Variants in ABHD6 observed in about 807,000 individuals in gnomAD.
ABHD6 encodes abhydrolase domain containing 6, acylglycerol lipase, also known as monoacylglycerol lipase ABHD6.
A neutral mutation model predicts 38.8 loss-of-function variants in ABHD6; 33 were observed. The observed-to-expected ratio is 0.85, with a 90% confidence interval of 0.64 to 1.14. The LOEUF (loss-of-function observed/expected upper bound fraction) is 1.14, where lower values mean the gene tolerates loss of function less well. Among genes scored for constraint, ABHD6 ranks in the 50% most tolerant of loss-of-function variants. The pLI, the probability that ABHD6 is intolerant of heterozygous loss-of-function variation, is 0.00. For missense variants in ABHD6, 380 were observed against 422.6 expected (o/e 0.90, Z 0.88); for synonymous variants, 147 against 161.6 (o/e 0.91, Z 0.69).
chr3:58,247,408 T>C (rs190693980), intron 1 of ABHD6, among the ~76,000 whole-genome samples: 2 of 152,312 alleles, frequency 1.3e-5, no homozygotes, highest in Non-Finnish European at 1.5e-5. Flanking sequence ...CTAGTGGCTG[T>C]TGAGCATTTG....
At chr3:58,290,520 G>C in intron 9 of ABHD6, among the ~76,000 whole-genome samples, 1 of 129,522 alleles carries the variant, frequency 7.7e-6, no homozygotes, top group African/African-American at 3.0e-5. Context: ...GGCAGGGGCT[G>C]ACCCCCCACC....
chr3:58,276,269 C>A (rs913958044), intron 7 of ABHD6, among the ~76,000 whole-genome samples: 1 of 152,206 alleles, frequency 6.6e-6, no homozygotes, highest in Non-Finnish European at 1.5e-5. Context: ...ACATCCTCTC[C>A]AGCATCTGTT....
At position 58,238,224 on chromosome 3, in the gene ABHD6, C is replaced by G. The variant is rs867823111; in HGVS notation, c.-91+308C>G. On this transcript the variant is annotated intron_variant, in intron 1 of 9. Coordinates refer to ENST00000478253, the MANE Select transcript of ABHD6 (RefSeq NM_001320126.2). The surrounding 1 kb of genome is among the most constrained non-coding windows in gnomAD (Gnocchi z 6.9). ...CTCTTTCTACTTCGCCTCCCCACCC[C>G]CTGCGCCCGCAGCAGCCCTTAGGCG... The G allele has an allele frequency of 1.3e-5, 2 of 152,630 alleles. No homozygotes were observed. Among genetic ancestry groups the G allele is most frequent in the Admixed American group, 6.5e-5 (1 of 15,288 alleles). 9.5% of individuals were successfully genotyped at this position (152,630 alleles called of 1,614,324 possible).
intron 3 of ABHD6, among the ~76,000 whole-genome samples, chr3:58,260,951 A>G (rs895529158): frequency 6.6e-6 from 1 of 152,166 alleles, no homozygotes; most frequent in East Asian, 1.9e-4. Context: ...CATGGCCAGC[A>G]CACTTCCACA....
At chr3:58,242,981 C>T (rs1328774509) in intron 1 of ABHD6, among the ~76,000 whole-genome samples, 1 of 152,038 alleles carries the variant, frequency 6.6e-6, no homozygotes, top group Non-Finnish European at 1.5e-5. Context: ...GTTTGGTTTT[C>T]TGTCCTTGGA....
At chr3:58,286,817 C>G (rs1377902325) in intron 9 of ABHD6, among the ~76,000 whole-genome samples, 2 of 72,972 alleles carry the variant, frequency 2.7e-5, no homozygotes, top group Non-Finnish European at 5.2e-5. Context: ...TATATAAGAT[C>G]ATATATGTGT....
Position 58,285,021 on chromosome 3 carries a change from G to A in ABHD6, c.682-64G>A. The A allele has an allele frequency of 6.8e-7, 1 of 1,468,968 alleles. No homozygotes were observed. Among genetic ancestry groups the A allele is most frequent in the Non-Finnish European group, 9.5e-7 (1 of 1,047,848 alleles). 91.0% of individuals were successfully genotyped at this position (1,468,968 alleles called of 1,614,324 possible). ...CCTCATTCCCATTCATTGTCCCAGA[G>A]CTGTGAGAGGCCTGAGGAAATGAAT... On this transcript the variant is annotated intron_variant, in intron 7 of 9. Coordinates refer to ENST00000478253, the MANE Select transcript of ABHD6 (RefSeq NM_001320126.2). The surrounding 1 kb of genome is among the most constrained non-coding windows in gnomAD (Gnocchi z 4.9).
rs886995728 is a variant in ABHD6 at position 58,269,965 on chromosome 3, G to A, written c.390+531G>A. ...TGACCTTAAATATTTTCCCCCAAAT[G>A]AGGATATTTAATATCTGCCTCCTCC... is the stretch of plus-strand genomic sequence containing the variant. On this transcript the variant is annotated intron_variant, in intron 5 of 9. Coordinates refer to ENST00000478253, the MANE Select transcript of ABHD6 (RefSeq NM_001320126.2). The surrounding 1 kb of genome is among the most constrained non-coding windows in gnomAD (Gnocchi z 4.4). Among the ~76,000 whole-genome samples the A allele has an allele frequency of 6.6e-6, 1 of 152,224 alleles. No homozygotes were observed. The highest frequency in any genetic ancestry group is 2.4e-5 in the African/African-American group (1 of 41,458).
rs950707788 is a variant in ABHD6 at position 58,259,852 on chromosome 3, C to T, written c.119+3147C>T. On this transcript the variant is annotated intron_variant, in intron 3 of 9. Transcript: ENST00000478253. The surrounding 1 kb of genome is among the most constrained non-coding windows in gnomAD (Gnocchi z 4.7). ...AGTAGCCATCAATCCCAGTTTCTCC[C>T]TCACTTCATCTTCTGGCAACCACTC... 6.6e-6 allele frequency among the ~76,000 whole-genome samples: 1 copy of T among 152,188 alleles called. No individual in the cohort carries two copies. The highest frequency in any genetic ancestry group is 1.5e-5 in the Non-Finnish European group (1 of 68,038).
chr3:58,254,393 C>T (rs1293545772), intron 2 of ABHD6, among the ~76,000 whole-genome samples: 2 of 152,224 alleles, frequency 1.3e-5, no homozygotes, highest in African/African-American at 4.8e-5. Flanking sequence ...GCTGCTTTCT[C>T]ATCCAGTGGC....
Position 58,285,534 on chromosome 3 carries a change from T to C in ABHD6, c.837+81T>C. 8.0e-7 allele frequency: 1 copy of C among 1,248,680 alleles called. No individual in the cohort carries two copies. The highest frequency in any genetic ancestry group is 1.2e-6 in the Non-Finnish European group (1 of 851,446). The allele number at this position is 1,248,680 out of a possible 1,614,324, so 77.4% of individuals were successfully genotyped here. A position where few individuals can be genotyped will look rare whatever the true frequency, so the allele number is the denominator to read the frequency against. Reference sequence around the variant, plus strand: ...AACGTCCTTGAGGAAGAACAAGTGGTTATTTATGGAGTGAGCTGATCGCTG... The same window carrying C: ...AACGTCCTTGAGGAAGAACAAGTGGCTATTTATGGAGTGAGCTGATCGCTG... On this transcript the variant is annotated intron_variant, in intron 9 of 9. Transcript: ENST00000478253. The surrounding 1 kb of genome is among the most constrained non-coding windows in gnomAD (Gnocchi z 4.9).
intron 1 of ABHD6, among the ~76,000 whole-genome samples, chr3:58,242,505 C>A (rs1348025795): frequency 6.6e-6 from 1 of 152,212 alleles, no homozygotes; most frequent in East Asian, 1.9e-4. Flanking sequence ...CATGACTTCT[C>A]CCCCTAAGGC....
chr3:58,268,463 G>A (rs1285234047), intron 4 of ABHD6, among the ~76,000 whole-genome samples: 1 of 152,134 alleles, frequency 6.6e-6, no homozygotes, highest in African/African-American at 2.4e-5. Flanking sequence ...CTTGGGTGTG[G>A]CAACTTGCTG....
chr3:58,274,938 A>T, intron 7 of ABHD6, 123 bp downstream of exon 7: 1 of 1,223,670 alleles, frequency 8.2e-7, no homozygotes, highest in South Asian at 1.4e-5. Context: ...TTCTGCATAT[A>T]TTCAGCAAGT....
chr3:58,252,229 G>T (rs1207440286), intron 2 of ABHD6, among the ~76,000 whole-genome samples: 143 of 80,910 alleles, frequency 1.8e-3, no homozygotes, highest in South Asian at 3.8e-3. Flanking sequence ...TTGACTGCTT[G>T]TTTTTTTTTT....
chr3:58,286,822 A>ATGTG lies in ABHD6; in HGVS notation c.837+1397_837+1400dup, dbSNP rs56020810. 1.7e-3 allele frequency among the ~76,000 whole-genome samples: 125 copies of ATGTG among 74,770 alleles called. 4 individuals are homozygous for ATGTG. Among genetic ancestry groups the ATGTG allele is most frequent in the African/African-American group, 6.7e-3 (108 of 16,062 alleles). 49.1% of individuals were successfully genotyped at this position (74,770 alleles called of 152,430 possible). A position where few individuals can be genotyped will look rare whatever the true frequency, so the allele number is the denominator to read the frequency against. On this transcript the variant is annotated intron_variant, in intron 9 of 9. Coordinates refer to ENST00000478253, the MANE Select transcript of ABHD6 (RefSeq NM_001320126.2). ...GCATATAAGATATATAAGATCATATATGTGTGTGTGTGTGTGTGTGTGTGT... is the reference window on the plus strand; with the variant it reads ...GCATATAAGATATATAAGATCATATATGTGTGTGTGTGTGTGTGTGTGTGTGTGT...
chr3:58,284,780 G>T (rs571500627), intron 7 of ABHD6, among the ~76,000 whole-genome samples: 27 of 152,220 alleles, frequency 1.8e-4, no homozygotes, highest in African/African-American at 6.3e-4. Flanking sequence ...GTGAAGCAGA[G>T]AATCTCTCAA....
At position 58,271,062 on chromosome 3, in the gene ABHD6, C is replaced by G; in HGVS notation, c.521C>G (p.Ala174Gly). 1.3e-6 allele frequency: 2 copies of G among 1,596,716 alleles called. No homozygotes were observed. The highest frequency in any genetic ancestry group is 8.5e-7 in the Non-Finnish European group (1 of 1,174,268). Residue 174 changes from alanine (A) to glycine (G), a missense_variant and splice_region_variant, in exon 6 of 10, where the codon GCT (alanine) becomes GGT (glycine). Coordinates refer to ENST00000478253, the MANE Select transcript of ABHD6 (RefSeq NM_001320126.2). Reference sequence around the variant, plus strand: ...TCCAGCCTGTGTCTCGTGTGTCCTGCTGGTAAGTTATGAAGCTGAAACATC... The same window carrying G: ...TCCAGCCTGTGTCTCGTGTGTCCTGGTGGTAAGTTATGAAGCTGAAACATC... ...DVSSLCLVCP[A>G]GLQYSTDNQF...
chr3:58,292,813 A>T (rs1299846437), intron 9 of ABHD6, among the ~76,000 whole-genome samples: 1 of 152,138 alleles, frequency 6.6e-6, no homozygotes, highest in Non-Finnish European at 1.5e-5. Flanking sequence ...GCTACTGGGG[A>T]GGCTGAGGCA....
Sources: gnomAD v4.1 joint callset for allele counts (sites outside exome capture counted in the v4.1 genomes callset) on GRCh38, gnomAD v4.1.1 for gene constraint, Gnocchi (gnomAD v3.1) non-coding constraint, MANE v1.5 for transcripts, NCBI Gene and HGNC (gene_info 2026-07-23, HGNC 2026-07-21) for gene names.